SPATA18: variants seen among roughly 807,000 people sequenced by gnomAD.
SPATA18 encodes the protein spermatogenesis associated 18.
In SPATA18, 54 loss-of-function variants were observed where a neutral mutation model predicts 68.1. That is an observed-to-expected ratio of 0.79 (90% CI 0.64 to 0.99). SPATA18 has a LOEUF of 0.99. Among genes scored for constraint, SPATA18 ranks in the 50% least tolerant of loss-of-function variants. The pLI, the probability that SPATA18 is intolerant of heterozygous loss-of-function variation, is 0.00. For synonymous variants in SPATA18, 242 were observed against 244.8 expected (o/e 0.99, Z 0.11); for missense variants, 724 against 681.1 (o/e 1.06, Z -0.70).
chr4:52,068,329 A>G (rs2109444009), intron 4 of SPATA18, among the ~76,000 whole-genome samples: 1 of 152,236 alleles, frequency 6.6e-6, no homozygotes, highest in African/African-American at 2.4e-5. Context: ...TCATTCATTC[A>G]TTTCTCATTT....
intron 11 of SPATA18, among the ~76,000 whole-genome samples, chr4:52,089,813 C>G (rs10022575): frequency 0.85 from 128,902 of 152,144 alleles, 58,530 homozygotes; most frequent in East Asian, 1. Context: ...TTGGTCTAGA[C>G]CTGAGTTCAA....
chr4:52,061,510 A>ATAATAATAATAG (rs1738852146), intron 3 of SPATA18, among the ~76,000 whole-genome samples: 1 of 150,052 alleles, frequency 6.7e-6, no homozygotes. Context: ...AATAATAATA[A>ATAATAATAATAG]TAATAATAAT....
Position 52,095,002 on chromosome 4 carries a change from T to A in SPATA18, c.*115T>A. ...CACTTAAGATAATGTCAAAAGGCAA[T>A]TCTGTGTATCACCCCACACAGAGAG... is the stretch of plus-strand genomic sequence containing the variant. On this transcript the variant is annotated 3_prime_UTR_variant, in exon 13 of 13. Coordinates refer to ENST00000295213, the MANE Select transcript of SPATA18 (RefSeq NM_145263.4). 3 of 1,256,916 alleles carry A rather than the reference T, an allele frequency of 2.4e-6. No individual in the cohort carries two copies. The highest frequency in any genetic ancestry group is 2.4e-5 in the South Asian group (2 of 83,658). The allele number at this position is 1,256,916 out of a possible 1,614,324, so 77.9% of individuals were successfully genotyped here.
chr4:52,085,227 A>T (rs1741317356), intron 11 of SPATA18, among the ~76,000 whole-genome samples: 1 of 152,142 alleles, frequency 6.6e-6, no homozygotes, highest in African/African-American at 2.4e-5. Context: ...GGAATAGTAG[A>T]TTTTATGTAT....
At chr4:52,090,605 TGGCCC>T (rs1342627850) in intron 11 of SPATA18, among the ~76,000 whole-genome samples, 1 of 152,234 alleles carries the variant, frequency 6.6e-6, no homozygotes, top group African/African-American at 2.4e-5. Flanking sequence ...CGTTGAATAT[TGGCCC>T]TCACTCTCTT....
At chr4:52,093,495 G>A (rs1335667893) in intron 11 of SPATA18, among the ~76,000 whole-genome samples, 1 of 152,162 alleles carries the variant, frequency 6.6e-6, no homozygotes, top group African/African-American at 2.4e-5. Context: ...TTTTCATATA[G>A]CATCATTATC....
intron 4 of SPATA18, among the ~76,000 whole-genome samples, chr4:52,067,490 C>T (rs1347554362): frequency 6.6e-6 from 1 of 152,162 alleles, no homozygotes; most frequent in Non-Finnish European, 1.5e-5. Context: ...TGTCACTTTC[C>T]CCTGACCCAG....
chr4:52,094,788 A>C, intron 12 of SPATA18, 92 bp from the exon 13 acceptor site: 3 of 1,545,584 alleles, frequency 1.9e-6, no homozygotes. Flanking sequence ...CATTGCCATA[A>C]ACCTAGATTA....
chr4:52,093,942 A>G (rs1445088563), intron 11 of SPATA18, among the ~76,000 whole-genome samples: 1 of 152,126 alleles, frequency 6.6e-6, no homozygotes, highest in Non-Finnish European at 1.5e-5. Flanking sequence ...AGTTGGGTTT[A>G]TTTTTGCCTA....
intron 4 of SPATA18, among the ~76,000 whole-genome samples, chr4:52,067,933 T>A (rs1046330293): frequency 6.6e-6 from 1 of 152,198 alleles, no homozygotes; most frequent in Non-Finnish European, 1.5e-5. Flanking sequence ...CAATGAATGA[T>A]CAGATATGCA....
Position 52,095,860 on chromosome 4 carries a change from C to T in SPATA18, c.*973C>T, listed in dbSNP as rs186204450. The T allele has an allele frequency of 1.0e-3, 158 of 152,300 alleles. No homozygotes were observed. Among genetic ancestry groups the T allele is most frequent in the African/African-American group, 3.7e-3 (152 of 41,574 alleles). 9.4% of individuals were successfully genotyped at this position (152,300 alleles called of 1,614,324 possible). A position where few individuals can be genotyped will look rare whatever the true frequency, so the allele number is the denominator to read the frequency against. Reference sequence around the variant, plus strand: ...ATATATCCCTTGACTTCTTCACTGTCAAATACTTTTGAAACTTCACGTTCA... The same window carrying T: ...ATATATCCCTTGACTTCTTCACTGTTAAATACTTTTGAAACTTCACGTTCA... On this transcript the variant is annotated 3_prime_UTR_variant, in exon 13 of 13. Transcript: ENST00000295213.
chr4:52,093,170 T>C (rs995296800), intron 11 of SPATA18, among the ~76,000 whole-genome samples: 17 of 152,190 alleles, frequency 1.1e-4, no homozygotes, highest in African/African-American at 3.6e-4. Flanking sequence ...AAGAGAAAGA[T>C]TATTATGATT....
At chr4:52,094,431 A>G (rs1320668267) in intron 11 of SPATA18, 96 bp from the exon 12 acceptor site, 2 of 1,144,754 alleles carry the variant, frequency 1.7e-6, no homozygotes, top group Non-Finnish European at 2.6e-6. Flanking sequence ...AGAGAAAGCT[A>G]TTTGGTTGGT....
chr4:52,078,196 C>T (rs1740569000), intron 7 of SPATA18: 1 of 152,002 alleles, frequency 6.6e-6, no homozygotes, highest in Non-Finnish European at 1.5e-5. Context: ...GTTTGCCATC[C>T]CCTGGTTTAT....
At chr4:52,064,395 A>G (rs1313391149) in intron 4 of SPATA18, among the ~76,000 whole-genome samples, 1 of 152,118 alleles carries the variant, frequency 6.6e-6, no homozygotes, top group Non-Finnish European at 1.5e-5. Flanking sequence ...TATACACTAT[A>G]GCCAATATGT....
chr4:52,058,635 A>G (rs1346234994), intron 1 of SPATA18, among the ~76,000 whole-genome samples: 1 of 152,002 alleles, frequency 6.6e-6, no homozygotes, highest in Admixed American at 6.6e-5. Flanking sequence ...GAATCTTATA[A>G]CCCAGGAATA....
chr4:52,081,448 G>T (rs571433788), intron 9 of SPATA18, among the ~76,000 whole-genome samples: 592 of 152,324 alleles, frequency 3.9e-3, no homozygotes, highest in Non-Finnish European at 7.1e-3. Context: ...GGGCTTCAGG[G>T]TTTCTTCATA....
At chr4:52,088,180 A>G (rs1741599699) in intron 11 of SPATA18, among the ~76,000 whole-genome samples, 1 of 152,174 alleles carries the variant, frequency 6.6e-6, no homozygotes, top group Non-Finnish European at 1.5e-5. Flanking sequence ...GGCTGAGACG[A>G]TGCGGTTTTC....
rs77956820 is a variant in SPATA18, at chr4:52,061,231, C to A, written c.309+334C>A. ...AGCATTTAGTCTGTTCTGAGAAAACCAAACATCACATGTTCTCACTCATAA... is the reference window on the plus strand; with the variant it reads ...AGCATTTAGTCTGTTCTGAGAAAACAAAACATCACATGTTCTCACTCATAA... On this transcript the variant is annotated intron_variant, in intron 3 of 12. Coordinates refer to ENST00000295213, the MANE Select transcript of SPATA18 (RefSeq NM_145263.4). 8.7e-3 allele frequency among the ~76,000 whole-genome samples: 1,326 copies of A among 151,974 alleles called. 28 individuals are homozygous for A. Among genetic ancestry groups the A allele is most frequent in the African/African-American group, 0.03 (1,232 of 41,434 alleles).
Sources: allele counts gnomAD v4.1 joint callset (sites outside exome capture counted in the v4.1 genomes callset), GRCh38; gene constraint gnomAD v4.1.1; transcripts MANE v1.5; gene names NCBI Gene and HGNC (gene_info 2026-07-23, HGNC 2026-07-21).